The following DHRSX variants were observed in gnomAD, a reference collection of about 807,000 sequenced individuals.
DHRSX encodes the protein polyprenol dehydrogenase.
In DHRSX, 31 loss-of-function variants were observed where a neutral mutation model predicts 34.0. The ratio of observed to expected loss-of-function variants is 0.91; its 90% CI spans 0.69 to 1.23. The LOEUF is 1.23. Ranked by LOEUF, DHRSX falls within the 50% of genes most tolerant of loss-of-function variation. The pLI, the probability that DHRSX is intolerant of heterozygous loss-of-function variation, is 0.00. For missense variants in DHRSX, 414 were observed against 428.1 expected, an observed-to-expected ratio of 0.97 and a Z score of 0.29; for synonymous variants, 201 against 183.8, an observed-to-expected ratio of 1.09 and a Z score of -0.76.
At chrX:2,360,281 C>G (rs1291015343) in intron 3 of DHRSX, among the ~76,000 whole-genome samples, 4 of 152,072 alleles carry the variant, frequency 2.6e-5, no homozygotes, top group Non-Finnish European at 4.4e-5. Flanking sequence ...GAAGGATAGA[C>G]TATGCAAGAG....
chrX:2,297,024 C>T (rs761382505), intron 3 of DHRSX, among the ~76,000 whole-genome samples: 1 of 150,032 alleles, frequency 6.7e-6, no homozygotes, highest in African/African-American at 2.5e-5. Flanking sequence ...GGCAGATAGA[C>T]CCAGGCAGAT....
At chrX:2,372,669 CGCAACCTCGGCTCACT>C (rs1326820472) in intron 3 of DHRSX, among the ~76,000 whole-genome samples, 9 of 150,724 alleles carry the variant, frequency 6.0e-5, no homozygotes, top group Non-Finnish European at 8.9e-5. Flanking sequence ...AGTGCAATGG[CGCAACCTCGGCTCACT>C]GCAACCTCCG....
At chrX:2,232,964 G>A (rs1291535680) in intron 6 of DHRSX, among the ~76,000 whole-genome samples, 1 of 152,078 alleles carries the variant, frequency 6.6e-6, no homozygotes, top group Non-Finnish European at 1.5e-5. Context: ...ATGCAGCTCT[G>A]CAAACTATAC....
At chrX:2,378,690 G>C (rs1186395754) in intron 3 of DHRSX, among the ~76,000 whole-genome samples, 2 of 150,162 alleles carry the variant, frequency 1.3e-5, no homozygotes, top group African/African-American at 4.9e-5. Flanking sequence ...TTTTTTTTGA[G>C]ACAGAGTTGT....
At chrX:2,294,602 T>C (rs1398336320) in intron 3 of DHRSX, among the ~76,000 whole-genome samples, 1 of 149,120 alleles carries the variant, frequency 6.7e-6, no homozygotes, top group East Asian at 2.0e-4. Context: ...GAGGTGGAGG[T>C]TGCAGTAAGC....
chrX:2,356,262 C>G (rs1397350989), intron 3 of DHRSX, among the ~76,000 whole-genome samples: 1 of 152,054 alleles, frequency 6.6e-6, no homozygotes, highest in African/African-American at 2.4e-5. Context: ...GTAATCCCAG[C>G]TACTCACGAG....
At chrX:2,307,872 C>T (rs940769005) in intron 3 of DHRSX, among the ~76,000 whole-genome samples, 4 of 151,904 alleles carry the variant, frequency 2.6e-5, no homozygotes, top group African/African-American at 7.2e-5. Flanking sequence ...GGGTGATCTG[C>T]GCATAGGACA....
chrX:2,325,930 C>T (rs190021330), intron 3 of DHRSX, among the ~76,000 whole-genome samples: 3 of 152,292 alleles, frequency 2.0e-5, no homozygotes, highest in African/African-American at 4.8e-5. Context: ...TGCCCAATGA[C>T]GAACCCCAGG....
intron 3 of DHRSX, among the ~76,000 whole-genome samples, chrX:2,307,585 G>A (rs886481045): frequency 2.0e-4 from 31 of 151,882 alleles, no homozygotes; most frequent in Non-Finnish European, 3.8e-4. Context: ...CTAACATGGT[G>A]AAACCCTGTC....
intron 1 of DHRSX, chrX:2,488,763 T>G: frequency 6.2e-7 from 1 of 1,613,806 alleles, no homozygotes; most frequent in Non-Finnish European, 8.5e-7. Context: ...TCTGCCCCAC[T>G]CCGGGCGTTC....
At chrX:2,356,031 A>C in intron 3 of DHRSX, among the ~76,000 whole-genome samples, 1 of 146,320 alleles carries the variant, frequency 6.8e-6, no homozygotes. Context: ...GCGCCATTGC[A>C]CTCCACCCTG....
At chrX:2,411,756 A>AC (rs201439726) in intron 2 of DHRSX, among the ~76,000 whole-genome samples, 8,585 of 151,138 alleles carry the variant, frequency 0.057, 304 homozygotes, top group Middle Eastern at 0.14. Context: ...ACAAAACAAA[A>AC]AAAAACAAAG....
intron 5 of DHRSX, among the ~76,000 whole-genome samples, chrX:2,243,814 T>G (rs1291114754): frequency 4.2e-5 from 5 of 118,202 alleles, no homozygotes; most frequent in African/African-American, 1.6e-4. Context: ...TTTTTTTTTT[T>G]TTTTTTTTGA....
chrX:2,330,795 A>C (rs1179381360), intron 3 of DHRSX, among the ~76,000 whole-genome samples: 8 of 143,588 alleles, frequency 5.6e-5, no homozygotes, highest in Non-Finnish European at 1.3e-4. Flanking sequence ...AGAATGAGAA[A>C]GAGAGAATGA....
Position 2,275,829 on chromosome X carries a change from C to CCT in DHRSX, c.389-8883_389-8882insAG, listed in dbSNP as rs1569482930. The stretch of plus-strand genomic sequence containing the variant: ...TAAATAAAATAAAATAATAATTTGC[C>CCT]TTTTTTTAAAAATTTTAATTTAATT... On this transcript the variant is annotated intron_variant, in intron 4 of 6. Coordinates refer to ENST00000334651, the MANE Select transcript of DHRSX (RefSeq NM_145177.3). Among the ~76,000 whole-genome samples, 440 of 149,728 alleles carry CCT rather than the reference C, an allele frequency of 2.9e-3. 1 individual carries two copies. Among genetic ancestry groups the CCT allele is most frequent in the African/African-American group, 9.9e-3 (405 of 40,850 alleles).
intron 1 of DHRSX, 46 bp from the exon 2 acceptor site, chrX:2,425,350 G>A: frequency 6.6e-7 from 1 of 1,521,396 alleles, no homozygotes. Flanking sequence ...TTTGAAAGCA[G>A]AGCACATATT....
Position 2,425,198 on chromosome X carries a change from T to C in DHRSX, c.216A>G (p.Ile72Met), listed in dbSNP as rs1352825177. The change falls in exon 2 of 7, where the codon ATA becomes ATG. Residue 72 changes from isoleucine to methionine, a missense_variant and splice_region_variant. Ile to Met is a conservative substitution (Grantham distance 10). Transcript: ENST00000334651. Reference sequence around the variant, plus strand: ...ACAAGTAACTGTAAAAGTCATCACCTATGATAACATGCATGCCAAGTCTCG... The same window carrying C: ...ACAAGTAACTGTAAAAGTCATCACCCATGATAACATGCATGCCAAGTCTCG... ...HLARLGMHVI[I>M]AGNNDSKAKQ... The C allele has an allele frequency of 2.5e-6, 4 of 1,601,066 alleles. No homozygotes were observed. The South Asian group carries it at 4.4e-5, about 18-fold the overall frequency.
chrX:2,342,766 G>A (rs1313552180), intron 3 of DHRSX, among the ~76,000 whole-genome samples: 1 of 151,910 alleles, frequency 6.6e-6, no homozygotes, highest in African/African-American at 2.4e-5. Context: ...CTCTGCTCCC[G>A]CCCCAACCTC....
chrX:2,259,335 T>TATAG (rs1569480906), intron 5 of DHRSX, among the ~76,000 whole-genome samples: 5 of 145,518 alleles, frequency 3.4e-5, no homozygotes, highest in African/African-American at 1.0e-4. Flanking sequence ...GATATAGATA[T>TATAG]ATATAGATAT....
Sources: gnomAD v4.1 joint callset for allele counts (sites outside exome capture counted in the v4.1 genomes callset) on GRCh38, gnomAD v4.1.1 for gene constraint, MANE v1.5 for transcripts, NCBI Gene and HGNC (gene_info 2026-07-23, HGNC 2026-07-21) for gene names.